PGM1: variants seen among roughly 807,000 people sequenced by gnomAD.
PGM1 encodes phosphoglucomutase-1.
In PGM1, 52 loss-of-function variants were observed where a neutral mutation model predicts 55.6. That is an observed-to-expected ratio of 0.94 (90% CI 0.75 to 1.18). The LOEUF (loss-of-function observed/expected upper bound fraction) is 1.18. Ranked by LOEUF, PGM1 falls within the 50% of genes most tolerant of loss-of-function variation. The pLI, the probability that PGM1 is intolerant of heterozygous loss-of-function variation, is 0.00. For synonymous variants in PGM1, 287 were observed against 271.7 expected (o/e 1.06, Z -0.55); for missense variants, 724 against 729.3 (o/e 0.99, Z 0.08).
intron 1 of PGM1, among the ~76,000 whole-genome samples, chr1:63,594,893 G>A (rs1400370747): frequency 3.4e-5 from 5 of 145,492 alleles, no homozygotes; most frequent in African/African-American, 1.3e-4. Context: ...CCCGGGAGGC[G>A]GAGCTTGCAG....
intron 1 of PGM1, among the ~76,000 whole-genome samples, chr1:63,622,672 C>T (rs1305941813): frequency 1.3e-5 from 2 of 152,060 alleles, no homozygotes; most frequent in Admixed American, 1.3e-4. Context: ...AAGGAATGAC[C>T]AAGCTGTTGG....
intron 1 of PGM1, among the ~76,000 whole-genome samples, chr1:63,601,001 A>G (rs1310851995): frequency 6.6e-6 from 1 of 152,042 alleles, no homozygotes; most frequent in Non-Finnish European, 1.5e-5. Flanking sequence ...CTCCTAGGTT[A>G]TATACTGGGG....
chr1:63,614,132 T>A (rs1405184548), intron 1 of PGM1, among the ~76,000 whole-genome samples: 1 of 152,240 alleles, frequency 6.6e-6, no homozygotes, highest in African/African-American at 2.4e-5. Flanking sequence ...TGCTGAGCAC[T>A]TTACATGATC....
At chr1:63,611,665 G>T (rs1391192482) in intron 1 of PGM1, among the ~76,000 whole-genome samples, 2 of 152,182 alleles carry the variant, frequency 1.3e-5, no homozygotes, top group African/African-American at 4.8e-5. Context: ...AGCACTTTGG[G>T]AGGCCAAGGC....
chr1:63,593,730 A>T lies in PGM1; in HGVS notation c.242A>T (p.Asn81Ile), dbSNP rs778312245. The change falls in exon 1 of 11, where the codon AAC becomes ATC. Residue 81 changes from asparagine to isoleucine, a missense_variant. This residue lies in a region of PGM1 where 379 missense variants were observed against 357.5 expected (regional missense o/e 1.06). Coordinates refer to ENST00000371084, the MANE Select transcript of PGM1 (RefSeq NM_002633.3). ...CTCATCGCTCGCATCGCTGCCGCCA[A>T]CGGGGTAAGGGATGCGCGGCCCCGC... ...IQLIARIAAANGIGRLVIGQN... is the reference protein window; with the variant it reads ...IQLIARIAAAIGIGRLVIGQN... 6.3e-7 allele frequency: 1 copy of T among 1,595,130 alleles called. No homozygotes were observed. The highest frequency in any genetic ancestry group is 1.1e-5 in the South Asian group (1 of 89,138).
At chr1:63,628,890 A>G (rs1649110251) in intron 1 of PGM1, among the ~76,000 whole-genome samples, 1 of 152,210 alleles carries the variant, frequency 6.6e-6, no homozygotes, top group Non-Finnish European at 1.5e-5. Flanking sequence ...AACCCACTAT[A>G]TGAAAAAGCC....
intron 1 of PGM1, among the ~76,000 whole-genome samples, chr1:63,623,949 GGA>G (rs962741830): frequency 5.9e-5 from 9 of 152,244 alleles, no homozygotes; most frequent in African/African-American, 2.2e-4. Context: ...AGCCACACTG[GGA>G]TACAGGAATG....
rs540982948 is a variant in PGM1, at chr1:63,614,419, A to G, written c.247-15006A>G. ...TCTCACTGAAGCCTTGATTGAGGCCAAGAGAGAATGCCTTGCTGCTGCCCC... is the reference window on the plus strand; with the variant it reads ...TCTCACTGAAGCCTTGATTGAGGCCGAGAGAGAATGCCTTGCTGCTGCCCC... On this transcript the variant is annotated intron_variant, in intron 1 of 10. Coordinates refer to ENST00000371084, the MANE Select transcript of PGM1 (RefSeq NM_002633.3). Among the ~76,000 whole-genome samples the G allele has an allele frequency of 2.8e-4, 43 of 152,304 alleles. No homozygotes were observed. The Middle Eastern group carries it at 0.01, about 36-fold the overall frequency.
chr1:63,616,893 G>A lies in PGM1; in HGVS notation c.247-12532G>A, dbSNP rs774350626. On this transcript the variant is annotated intron_variant, in intron 1 of 10. Transcript: ENST00000371084. ...TCTACTAAAATGCACATAGCCAATGGCCCGTCCCAATTGTTGGGTATGAAA... is the reference window on the plus strand; with the variant it reads ...TCTACTAAAATGCACATAGCCAATGACCCGTCCCAATTGTTGGGTATGAAA... 2.0e-5 allele frequency among the ~76,000 whole-genome samples: 3 copies of A among 152,120 alleles called. No homozygotes were observed. The East Asian group carries it at 5.8e-4, about 29-fold the overall frequency.
chr1:63,593,743 T>A lies in PGM1; in HGVS notation c.246+9T>A, dbSNP rs770132214. On this transcript the variant is annotated intron_variant, in intron 1 of 10. Coordinates refer to ENST00000371084, the MANE Select transcript of PGM1 (RefSeq NM_002633.3). The stretch of plus-strand genomic sequence containing the variant: ...TCGCTGCCGCCAACGGGGTAAGGGA[T>A]GCGCGGCCCCGCGCCGCTGTGCACC... The A allele has an allele frequency of 1.3e-6, 2 of 1,588,388 alleles. No individual in the cohort carries two copies. The highest frequency in any genetic ancestry group is 8.5e-7 in the Non-Finnish European group (1 of 1,172,576).
At chr1:63,610,438 CT>C (rs1363707021) in intron 1 of PGM1, among the ~76,000 whole-genome samples, 1 of 152,044 alleles carries the variant, frequency 6.6e-6, no homozygotes, top group African/African-American at 2.4e-5. Flanking sequence ...AAAATTACAT[CT>C]TTTATGTTAA....
rs186691406 is a variant in PGM1, at chr1:63,598,121, G to A, written c.246+4387G>A. Among the ~76,000 whole-genome samples the A allele has an allele frequency of 3.8e-3, 581 of 152,182 alleles. 3 individuals are homozygous for A. Among genetic ancestry groups the A allele is most frequent in the African/African-American group, 0.012 (518 of 41,510 alleles). On this transcript the variant is annotated intron_variant, in intron 1 of 10. Coordinates refer to ENST00000371084, the MANE Select transcript of PGM1 (RefSeq NM_002633.3). ...AAGTAGCTGGGGTCTACAGGTGCAT[G>A]CCACCATGCCTGGCTAATTGTTTTA...
intron 3 of PGM1, among the ~76,000 whole-genome samples, chr1:63,630,584 C>T (rs1045675821): frequency 1.3e-5 from 2 of 152,140 alleles, no homozygotes; most frequent in Admixed American, 6.5e-5. Flanking sequence ...TTGAATGATT[C>T]GCAAGACTAC....
At chr1:63,635,956 G>A (rs1443363947) in intron 5 of PGM1, among the ~76,000 whole-genome samples, 3 of 152,200 alleles carry the variant, frequency 2.0e-5, no homozygotes, top group Non-Finnish European at 4.4e-5. Flanking sequence ...GTTAAAGTTA[G>A]CTGGCCTCTG....
At chr1:63,623,740 C>A in intron 1 of PGM1, 3 of 1,610,656 alleles carry the variant, frequency 1.9e-6, no homozygotes, top group African/African-American at 1.3e-5. Flanking sequence ...AACAATAGTG[C>A]AGATGGCAGC....
chr1:63,654,051 G>A (rs919470975), intron 9 of PGM1, among the ~76,000 whole-genome samples: 6 of 152,124 alleles, frequency 3.9e-5, no homozygotes, highest in Non-Finnish European at 7.3e-5. Context: ...ACAGGGAAGT[G>A]GGGAGAGGAG....
chr1:63,633,127 T>C (rs1649241768), intron 4 of PGM1, among the ~76,000 whole-genome samples: 1 of 152,204 alleles, frequency 6.6e-6, no homozygotes, highest in Non-Finnish European at 1.5e-5. Flanking sequence ...ATAATTTGAC[T>C]AGGTATAAAG....
At chr1:63,652,540 C>T (rs1649836694) in intron 9 of PGM1, among the ~76,000 whole-genome samples, 2 of 147,614 alleles carry the variant, frequency 1.4e-5, no homozygotes, top group South Asian at 2.2e-4. Context: ...AACACTTACG[C>T]ACCAGGGTTC....
intron 1 of PGM1, among the ~76,000 whole-genome samples, chr1:63,618,101 TACA>T (rs987584342): frequency 2.6e-5 from 4 of 152,198 alleles, no homozygotes; most frequent in African/African-American, 9.7e-5. Context: ...CAAACTTGAC[TACA>T]ACAAGTAAAG....
Sources: gnomAD v4.1 joint callset for allele counts (sites outside exome capture counted in the v4.1 genomes callset) on GRCh38, gnomAD v4.1.1 for gene constraint, gnomAD v4.1.1 regional missense constraint, MANE v1.5 for transcripts, NCBI Gene and HGNC (gene_info 2026-07-23, HGNC 2026-07-21) for gene names.